The following IL4R variants were observed in gnomAD, a reference collection of about 807,000 sequenced individuals.
IL4R encodes interleukin 4 receptor.
A neutral mutation model predicts 41.5 loss-of-function variants in IL4R; 17 were observed. The observed-to-expected ratio is 0.41, with a 90% CI of 0.28 to 0.61. The LOEUF is 0.61. Ranked by LOEUF, IL4R falls within the 20% of genes least tolerant of loss-of-function variation. IL4R has a pLI of 0.31. For missense variants in IL4R, 974 were observed against 1,043.1 expected, an observed-to-expected ratio of 0.93 and a Z score of 0.91; for synonymous variants, 402 against 422.9, an observed-to-expected ratio of 0.95 and a Z score of 0.61.
At position 27,345,083 on chromosome 16, in the gene IL4R, G is replaced by T; in HGVS notation, c.361+63G>T. On this transcript the variant is annotated intron_variant, in intron 5 of 10. Coordinates refer to ENST00000395762, the MANE Select transcript of IL4R (RefSeq NM_000418.4). The surrounding 1 kb of genome is among the most constrained non-coding windows in gnomAD (Gnocchi z 4.5). ...GTTCCCACAGCTGCCTGGGCTGAGG[G>T]TGGGGTGGGCAGGGGAGGAGGTGGG... The T allele has an allele frequency of 8.2e-7, 1 of 1,222,746 alleles. No individual in the cohort carries two copies. The highest frequency in any genetic ancestry group is 1.2e-6 in the Non-Finnish European group (1 of 856,230). The allele number at this position is 1,222,746 out of a possible 1,614,324, so 75.7% of individuals were successfully genotyped here. A position where few individuals can be genotyped will look rare whatever the true frequency, so the allele number is the denominator to read the frequency against.
intron 2 of IL4R, among the ~76,000 whole-genome samples, chr16:27,338,915 G>A (rs930531192): frequency 2.4e-4 from 37 of 152,090 alleles, no homozygotes; most frequent in Admixed American, 1.4e-3. Context: ...GTACAATGAC[G>A]CGATCTCGAC....
At chr16:27,357,960 C>A (rs763121715) in intron 8 of IL4R, among the ~76,000 whole-genome samples, 2 of 150,530 alleles carry the variant, frequency 1.3e-5, no homozygotes, top group Non-Finnish European at 2.9e-5. Flanking sequence ...GTGGCGCGAT[C>A]TCAGCTCACT....
At chr16:27,356,906 C>T (rs1012258282) in intron 8 of IL4R, among the ~76,000 whole-genome samples, 6 of 152,052 alleles carry the variant, frequency 3.9e-5, no homozygotes, top group African/African-American at 1.4e-4. Flanking sequence ...AGATGAGTGG[C>T]GAGTGGCTGG....
At chr16:27,327,949 T>C (rs2085006298) in intron 1 of IL4R, among the ~76,000 whole-genome samples, 1 of 152,060 alleles carries the variant, frequency 6.6e-6, no homozygotes. Flanking sequence ...CGGTAGCTCA[T>C]GCCTGTAATC....
Position 27,362,411 on chromosome 16 carries a change from A to G in IL4R, c.1059A>G (p.Pro353=). ...PVEISKTVLW[P]ESISVVRCVE... is the part of the protein sequence containing the mutation. ...AGATCAGCAAGACAGTCCTCTGGCCAGAGAGCATCAGCGTGGTGCGATGTG... is the reference window on the plus strand; with the variant it reads ...AGATCAGCAAGACAGTCCTCTGGCCGGAGAGCATCAGCGTGGTGCGATGTG... Residue 353 remains proline, a synonymous_variant, in exon 11 of 11, where the codon CCA becomes CCG. Transcript: ENST00000395762. The G allele has an allele frequency of 3.7e-6, 6 of 1,614,176 alleles. No individual in the cohort carries two copies. Among genetic ancestry groups the G allele is most frequent in the Non-Finnish European group, 5.1e-6 (6 of 1,180,032 alleles).
At chr16:27,314,061 A>G in intron 1 of IL4R, 41 bp downstream of exon 1, 1 of 984,476 alleles carries the variant, frequency 1.0e-6, no homozygotes. Flanking sequence ...TTGCGAAGGT[A>G]TCGCCCGGGC....
At chr16:27,338,772 C>A (rs1234752634) in intron 2 of IL4R, among the ~76,000 whole-genome samples, 1 of 152,076 alleles carries the variant, frequency 6.6e-6, no homozygotes, top group Non-Finnish European at 1.5e-5. Flanking sequence ...GAGGAATGGG[C>A]TCTCACCAGA....
At chr16:27,333,498 G>A (rs1183984907) in intron 2 of IL4R, among the ~76,000 whole-genome samples, 1 of 152,066 alleles carries the variant, frequency 6.6e-6, no homozygotes, top group Non-Finnish European at 1.5e-5. Flanking sequence ...TACCAGCTGT[G>A]GGACCTGGTG....
At chr16:27,354,547 C>G (rs2085991040) in intron 7 of IL4R, among the ~76,000 whole-genome samples, 1 of 152,184 alleles carries the variant, frequency 6.6e-6, no homozygotes, top group Admixed American at 6.6e-5. Flanking sequence ...GCAAGGAAGA[C>G]TGGGAACTCA....
At chr16:27,341,976 G>T in intron 3 of IL4R, 145 bp from the exon 4 acceptor site, 1 of 798,400 alleles carries the variant, frequency 1.3e-6, no homozygotes, top group Non-Finnish European at 1.9e-6. Context: ...CAGCAGCCCT[G>T]GTCCTGGCCC....
chr16:27,359,639 G>T (rs2086211778), intron 9 of IL4R, among the ~76,000 whole-genome samples: 1 of 152,150 alleles, frequency 6.6e-6, no homozygotes, highest in Non-Finnish European at 1.5e-5. Context: ...TCCTGACTCT[G>T]CCACTCACTG....
intron 3 of IL4R, chr16:27,341,388 A>G (rs2085437126): frequency 3.4e-6 from 2 of 585,216 alleles, no homozygotes; most frequent in Non-Finnish European, 6.1e-6. Context: ...TTTGCTATCT[A>G]AGACAGCTCC....
rs2085627645 is a variant in IL4R, at chr16:27,345,956, A to T, written c.362-511A>T. On this transcript the variant is annotated intron_variant, in intron 5 of 10. Coordinates refer to ENST00000395762, the MANE Select transcript of IL4R (RefSeq NM_000418.4). This position sits in a 1 kb window ranked among gnomAD's most constrained non-coding sequence, Gnocchi z 4.5. ...TACTGCCCTCCAGCCTGGGCGACAG[A>T]GTGAGATTACGTCTCAAAAAAATAA... Among the ~76,000 whole-genome samples, 1 of 152,206 alleles carries T rather than the reference A, an allele frequency of 6.6e-6. No homozygotes were observed. The highest frequency in any genetic ancestry group is 1.5e-5 in the Non-Finnish European group (1 of 68,030).
chr16:27,323,330 C>G (rs961394068), intron 1 of IL4R, among the ~76,000 whole-genome samples: 4 of 152,226 alleles, frequency 2.6e-5, no homozygotes, highest in Non-Finnish European at 4.4e-5. Context: ...TTCTGAACCT[C>G]CCTCAGCCTC....
Position 27,362,343 on chromosome 16 carries a change from A to T in IL4R, c.991A>T (p.Met331Leu). 2 of 1,614,174 alleles carry T rather than the reference A, an allele frequency of 1.2e-6. No individual in the cohort carries two copies. Among genetic ancestry groups the T allele is most frequent in the Non-Finnish European group, 1.7e-6 (2 of 1,180,036 alleles). The change falls in exon 11 of 11, where the codon ATG (methionine) becomes TTG (leucine). Residue 331 changes from methionine (M) to leucine (L), a missense_variant. By Grantham distance (15) the Met-to-Leu change is conservative. Transcript: ENST00000395762. ...DEDPHKAAKE[M>L]PFQGSGKSAW... ...AGATCCTCACAAGGCTGCCAAAGAG[A>T]TGCCTTTCCAGGGCTCTGGAAAATC...
chr16:27,323,696 C>A (rs1398998559), intron 1 of IL4R, among the ~76,000 whole-genome samples: 2 of 151,916 alleles, frequency 1.3e-5, no homozygotes, highest in African/African-American at 4.8e-5. Flanking sequence ...CACTCTGTTG[C>A]CCAGGCTGGA....
intron 2 of IL4R, among the ~76,000 whole-genome samples, chr16:27,338,076 C>T (rs1393294415): frequency 6.6e-6 from 1 of 151,346 alleles, no homozygotes; most frequent in Non-Finnish European, 1.5e-5. Context: ...CCCACCTCGG[C>T]CTCCCGTGTA....
At chr16:27,323,159 G>C (rs1433870057) in intron 1 of IL4R, among the ~76,000 whole-genome samples, 3 of 152,224 alleles carry the variant, frequency 2.0e-5, no homozygotes, top group African/African-American at 7.2e-5. Context: ...TCTTACCTGT[G>C]CCCATGTGTT....
At chr16:27,317,902 C>T (rs1268587614) in intron 1 of IL4R, among the ~76,000 whole-genome samples, 3 of 152,188 alleles carry the variant, frequency 2.0e-5, no homozygotes, top group Non-Finnish European at 4.4e-5. Context: ...GTCCCTTCTG[C>T]GTATCCAGCA....
Sources: allele counts gnomAD v4.1 joint callset (sites outside exome capture counted in the v4.1 genomes callset), GRCh38; gene constraint gnomAD v4.1.1; non-coding constraint Gnocchi (gnomAD v3.1); transcripts MANE v1.5; gene names NCBI Gene and HGNC (gene_info 2026-07-23, HGNC 2026-07-21).